KCNH7: variants seen among roughly 807,000 people sequenced by gnomAD.
KCNH7 encodes voltage-gated inwardly rectifying potassium channel KCNH7.
A neutral mutation model predicts 120.8 loss-of-function variants in KCNH7; 49 were observed. The ratio of observed to expected loss-of-function variants is 0.41; its 90% CI spans 0.32 to 0.51. The LOEUF (loss-of-function observed/expected upper bound fraction) is 0.51, where lower values mean the gene tolerates loss of function less well. KCNH7 is among the 20% of genes least tolerant of loss of function. KCNH7 has a pLI of 0.38. For missense variants in KCNH7, 1,097 were observed against 1,446.6 expected (o/e 0.76, Z 3.92); for synonymous variants, 547 against 516.1 (o/e 1.06, Z -0.81).
At chr2:162,554,944 C>A (rs1226782112) in intron 2 of KCNH7, among the ~76,000 whole-genome samples, 1 of 152,208 alleles carries the variant, frequency 6.6e-6, no homozygotes. Flanking sequence ...CTTTGTAACA[C>A]TTCTAGAAAG....
intron 2 of KCNH7, among the ~76,000 whole-genome samples, chr2:162,777,066 A>G (rs556837586): frequency 9.2e-5 from 14 of 152,250 alleles, no homozygotes; most frequent in African/African-American, 2.9e-4. Context: ...TAACATCAAT[A>G]GAAACTCTGA....
At chr2:162,548,204 A>C (rs1692544447) in intron 2 of KCNH7, among the ~76,000 whole-genome samples, 1 of 152,174 alleles carries the variant, frequency 6.6e-6, no homozygotes, top group African/African-American at 2.4e-5. Context: ...TGTCATGTTT[A>C]GCATTGTCCA....
In KCNH7 at chr2:162,741,212, A is replaced by T. The variant is rs556175896; in HGVS notation, c.307+95325T>A. ...TATGTTATTAATTATACATATTAAT[A>T]ACATGTTATTAGTTATACATATTAA... On this transcript the variant is annotated intron_variant, in intron 2 of 15. Transcript: ENST00000332142. 6.7e-4 allele frequency among the ~76,000 whole-genome samples: 79 copies of T among 118,566 alleles called. 1 individual carries two copies. Among genetic ancestry groups the T allele is most frequent in the African/African-American group, 4.0e-3 (73 of 18,474 alleles). The allele number at this position is 118,566 out of a possible 152,430, so 77.8% of individuals were successfully genotyped here. A position where few individuals can be genotyped will look rare whatever the true frequency, so the allele number is the denominator to read the frequency against.
At chr2:162,782,844 G>C (rs1447135256) in intron 2 of KCNH7, among the ~76,000 whole-genome samples, 1 of 152,200 alleles carries the variant, frequency 6.6e-6, no homozygotes, top group Admixed American at 6.5e-5. Flanking sequence ...GGTTAAGCTG[G>C]AAATCATGTT....
intron 2 of KCNH7, among the ~76,000 whole-genome samples, chr2:162,646,928 T>C (rs1684379412): frequency 6.6e-6 from 1 of 152,194 alleles, no homozygotes; most frequent in Non-Finnish European, 1.5e-5. Context: ...GCCTTCTAAC[T>C]TACAGAACTA....
chr2:162,602,438 A>T (rs929521936), intron 2 of KCNH7, among the ~76,000 whole-genome samples: 1 of 152,050 alleles, frequency 6.6e-6, no homozygotes, highest in Admixed American at 6.6e-5. Flanking sequence ...AACCTTAACT[A>T]ATTTGGCCTC....
intron 2 of KCNH7, among the ~76,000 whole-genome samples, chr2:162,620,797 C>G (rs1472972163): frequency 6.6e-6 from 1 of 152,066 alleles, no homozygotes; most frequent in Non-Finnish European, 1.5e-5. Context: ...GCCAAGAAAT[C>G]ATAGAATAAT....
chr2:162,642,605 A>G (rs1433280153), intron 2 of KCNH7, among the ~76,000 whole-genome samples: 4 of 152,228 alleles, frequency 2.6e-5, no homozygotes, highest in Non-Finnish European at 5.9e-5. Context: ...TGATTCATGG[A>G]GGACCATTTC....
At chr2:162,507,439 T>C (rs1368421926) in intron 5 of KCNH7, among the ~76,000 whole-genome samples, 1 of 151,600 alleles carries the variant, frequency 6.6e-6, no homozygotes, top group Non-Finnish European at 1.5e-5. Context: ...CACTTGTAAT[T>C]ATTATTTGTC....
At chr2:162,586,539 A>G (rs966956336) in intron 2 of KCNH7, among the ~76,000 whole-genome samples, 65 of 152,154 alleles carry the variant, frequency 4.3e-4, no homozygotes, top group African/African-American at 1.5e-3. Flanking sequence ...AGCTGATCAG[A>G]GCCCAAATTG....
chr2:162,690,858 A>G (rs554805991), intron 2 of KCNH7, among the ~76,000 whole-genome samples: 73 of 152,206 alleles, frequency 4.8e-4, no homozygotes, highest in Non-Finnish European at 8.4e-4. Context: ...TGTATTGCTT[A>G]TATAATTTTC....
At chr2:162,563,178 A>G (rs988241988) in intron 2 of KCNH7, among the ~76,000 whole-genome samples, 3 of 152,306 alleles carry the variant, frequency 2.0e-5, no homozygotes, top group Non-Finnish European at 4.4e-5. Context: ...GAGCTCTGCC[A>G]TCTACTAACT....
chr2:162,827,609 A>G (rs1184846756), intron 2 of KCNH7, among the ~76,000 whole-genome samples: 1 of 152,184 alleles, frequency 6.6e-6, no homozygotes, highest in Non-Finnish European at 1.5e-5. Flanking sequence ...GAATTAAGTT[A>G]ACCAGATTTA....
At chr2:162,379,402 A>G (rs141415211) in intron 14 of KCNH7, among the ~76,000 whole-genome samples, 1 of 152,334 alleles carries the variant, frequency 6.6e-6, no homozygotes, top group East Asian at 1.9e-4. Context: ...TTTCAAGTCA[A>G]TTACATTTTT....
intron 2 of KCNH7, among the ~76,000 whole-genome samples, chr2:162,664,583 C>T (rs1685072004): frequency 6.6e-6 from 1 of 152,042 alleles, no homozygotes; most frequent in Non-Finnish European, 1.5e-5. Context: ...CACTACACTG[C>T]TTCATGAGAC....
chr2:162,836,821 G>C, intron 1 of KCNH7, 54 bp from the exon 2 acceptor site: 1 of 1,294,132 alleles, frequency 7.7e-7, no homozygotes, highest in Middle Eastern at 1.8e-4. Flanking sequence ...AATATTCTCC[G>C]TAACACTGAA....
intron 2 of KCNH7, among the ~76,000 whole-genome samples, chr2:162,622,688 T>G (rs756321150): frequency 1.3e-5 from 2 of 152,122 alleles, no homozygotes; most frequent in African/African-American, 2.4e-5. Flanking sequence ...TAATTTATAT[T>G]TATGTATGTG....
chr2:162,714,897 G>A (rs770131048), intron 2 of KCNH7, among the ~76,000 whole-genome samples: 3 of 152,168 alleles, frequency 2.0e-5, no homozygotes. Context: ...TGGGCCAGGT[G>A]TAGCCCAGGG....
intron 2 of KCNH7, among the ~76,000 whole-genome samples, chr2:162,646,691 G>A (rs1174626382): frequency 2.0e-5 from 3 of 152,174 alleles, no homozygotes; most frequent in African/African-American, 7.2e-5. Flanking sequence ...GACCATAAGA[G>A]AAGAAATGTG....
Sources: gnomAD v4.1 joint callset for allele counts (sites outside exome capture counted in the v4.1 genomes callset) on GRCh38, gnomAD v4.1.1 for gene constraint, MANE v1.5 for transcripts, NCBI Gene and HGNC (gene_info 2026-07-23, HGNC 2026-07-21) for gene names.